MAP4K4: variants seen among roughly 807,000 people sequenced by gnomAD.
MAP4K4 encodes the protein mitogen-activated protein kinase kinase kinase kinase 4, also known as HPK/GCK-like kinase HGK.
A neutral mutation model predicts 189.6 loss-of-function variants in MAP4K4; 38 were observed. The ratio of observed to expected loss-of-function variants is 0.20; its 90% CI spans 0.15 to 0.26. MAP4K4 has a LOEUF of 0.26. Among genes scored for constraint, MAP4K4 ranks in the 10% least tolerant of loss-of-function variants. The probability of loss-of-function intolerance (pLI) is 1.00; values close to 1 mark genes in which losing one functional copy is unlikely to be tolerated. For missense variants in MAP4K4, 1,054 were observed against 1,726.9 expected, an observed-to-expected ratio of 0.61 and a Z score of 6.91; for synonymous variants, 610 against 624.3, an observed-to-expected ratio of 0.98 and a Z score of 0.34.
At chr2:101,787,538 G>A (rs774599603) in intron 2 of MAP4K4, among the ~76,000 whole-genome samples, 11 of 152,184 alleles carry the variant, frequency 7.2e-5, no homozygotes, top group Non-Finnish European at 1.0e-4. Context: ...GCTTAAGCTT[G>A]TAGCCCACCC....
chr2:101,871,628 C>T, exon 24 of MAP4K4: 1 of 1,536,806 alleles, frequency 6.5e-7, no homozygotes, highest in Non-Finnish European at 8.7e-7. Flanking sequence ...CATCCTCCAG[C>T]CAGCCGACAC....
chr2:101,806,568 CAG>C (rs1475132642), intron 3 of MAP4K4, among the ~76,000 whole-genome samples: 1 of 152,042 alleles, frequency 6.6e-6, no homozygotes, highest in Non-Finnish European at 1.5e-5. Context: ...TTAGTAGAGA[CAG>C]GGTTTTATCA....
At chr2:101,845,232 A>G (rs547727538) in intron 12 of MAP4K4, among the ~76,000 whole-genome samples, 2 of 152,170 alleles carry the variant, frequency 1.3e-5, no homozygotes, top group Non-Finnish European at 2.9e-5. Context: ...TAAGGGATGC[A>G]GAAAACAATT....
At chr2:101,859,899 T>G in intron 15 of MAP4K4, 35 bp downstream of exon 15, 1 of 1,556,686 alleles carries the variant, frequency 6.4e-7, no homozygotes, top group African/African-American at 1.4e-5. Flanking sequence ...GACATTGCCC[T>G]GGAAAGTCGT....
intron 3 of MAP4K4, among the ~76,000 whole-genome samples, chr2:101,797,883 C>CTT (rs2093897258): frequency 7.4e-5 from 1 of 13,496 alleles, no homozygotes; most frequent in Admixed American, 7.5e-4. Context: ...TTAAAACATT[C>CTT]TTTTAGTTTT....
intron 2 of MAP4K4, among the ~76,000 whole-genome samples, chr2:101,738,459 A>T (rs1438809041): frequency 6.6e-6 from 1 of 152,188 alleles, no homozygotes; most frequent in African/African-American, 2.4e-5. Flanking sequence ...AAATTTTTTT[A>T]ATATGGGGCA....
At chr2:101,746,309 A>G (rs2065583436) in intron 2 of MAP4K4, among the ~76,000 whole-genome samples, 1 of 146,858 alleles carries the variant, frequency 6.8e-6, no homozygotes, top group South Asian at 2.1e-4. Context: ...TTTTTTTTTA[A>G]TGTAAGTATA....
chr2:101,722,667 C>T (rs1309026068), intron 2 of MAP4K4, among the ~76,000 whole-genome samples: 1 of 152,156 alleles, frequency 6.6e-6, no homozygotes, highest in Non-Finnish European at 1.5e-5. Context: ...TTGTAAAGCC[C>T]TTATCTCATA....
At chr2:101,792,512 G>C (rs530408249) in intron 3 of MAP4K4, among the ~76,000 whole-genome samples, 2 of 152,030 alleles carry the variant, frequency 1.3e-5, no homozygotes, top group Non-Finnish European at 2.9e-5. Flanking sequence ...TGCAATATGT[G>C]ATCACTGTAA....
At chr2:101,735,079 C>T (rs930226660) in intron 2 of MAP4K4, among the ~76,000 whole-genome samples, 8 of 152,276 alleles carry the variant, frequency 5.3e-5, no homozygotes, top group South Asian at 2.1e-4. Context: ...TTGTCCAGCA[C>T]GAAAGCCCTT....
chr2:101,855,081 G>C, intron 12 of MAP4K4, among the ~76,000 whole-genome samples: 1 of 152,224 alleles, frequency 6.6e-6, no homozygotes, highest in Non-Finnish European at 1.5e-5. Flanking sequence ...CCTTGAGCTA[G>C]AAGAGTGAGT....
intron 2 of MAP4K4, among the ~76,000 whole-genome samples, chr2:101,764,099 A>C (rs764850581): frequency 6.6e-6 from 1 of 152,088 alleles, no homozygotes; most frequent in Non-Finnish European, 1.5e-5. Context: ...AGGAGGGTTT[A>C]TTTAACATAC....
At chr2:101,792,635 TTTC>T (rs1326838745) in intron 3 of MAP4K4, among the ~76,000 whole-genome samples, 9 of 148,994 alleles carry the variant, frequency 6.0e-5, no homozygotes, top group South Asian at 4.2e-4. Flanking sequence ...CTCCTTCTTC[TTTC>T]TTCTTCTTAT....
intron 2 of MAP4K4, among the ~76,000 whole-genome samples, chr2:101,739,682 G>C (rs546701562): frequency 2.0e-4 from 30 of 152,290 alleles, no homozygotes; most frequent in Admixed American, 7.2e-4. Context: ...CTTTACAACT[G>C]GTAGATAGAA....
chr2:101,836,347 G>T (rs1040723777), intron 9 of MAP4K4, among the ~76,000 whole-genome samples: 2 of 152,182 alleles, frequency 1.3e-5, no homozygotes, highest in African/African-American at 4.8e-5. Flanking sequence ...GTTTTGGGAG[G>T]CCAAGGCGGG....
chr2:101,819,308 A>C (rs999461417), intron 3 of MAP4K4, among the ~76,000 whole-genome samples: 3 of 152,196 alleles, frequency 2.0e-5, no homozygotes, highest in African/African-American at 7.2e-5. Flanking sequence ...TCAGAAGTTG[A>C]TTCATTATTA....
chr2:101,863,949 C>T (rs2097745205), exon 17 of MAP4K4: 1 of 1,367,618 alleles, frequency 7.3e-7, no homozygotes, highest in African/African-American at 1.5e-5. Flanking sequence ...GTCCACCTTC[C>T]CGCAGTGAGG....
chr2:101,865,129 C>T (rs750050834), intron 18 of MAP4K4, 93 bp downstream of exon 18: 137 of 721,648 alleles, frequency 1.9e-4, no homozygotes, highest in Middle Eastern at 4.9e-4. Context: ...TAAACACAGA[C>T]GTTCTGGGGC....
chr2:101,887,811 A>G (rs1577480788), exon 31 of MAP4K4: 3 of 1,611,998 alleles, frequency 1.9e-6, no homozygotes, highest in Non-Finnish European at 2.5e-6. Flanking sequence ...TGCAATCATC[A>G]TCCTCCCCAA....
Sources: allele counts gnomAD v4.1 joint callset (sites outside exome capture counted in the v4.1 genomes callset), GRCh38; gene constraint gnomAD v4.1.1; transcripts MANE v1.5; gene names NCBI Gene and HGNC (gene_info 2026-07-23, HGNC 2026-07-21).